The following KCNJ1 variants were observed in gnomAD, a reference collection of about 807,000 sequenced individuals.
KCNJ1 encodes potassium inwardly rectifying channel subfamily J member 1.
Under a neutral mutation model 21.9 loss-of-function variants are expected in KCNJ1, and 24 were observed. The observed-to-expected ratio is 1.10, with a 90% CI of 0.79 to 1.54. The LOEUF is 1.54. Among genes scored for constraint, KCNJ1 ranks in the 40% most tolerant of loss-of-function variants. The pLI, the probability that KCNJ1 is intolerant of heterozygous loss-of-function variation, is 0.00. For synonymous variants in KCNJ1, 152 were observed against 160.9 expected, an observed-to-expected ratio of 0.94 and a Z score of 0.42; for missense variants, 457 against 455.4, an observed-to-expected ratio of 1.00 and a Z score of -0.03.
chr11:128,850,813 C>T lies in KCNJ1; in HGVS notation c.-114G>A. 2 of 985,396 alleles carry T rather than the reference C, an allele frequency of 2.0e-6. No individual in the cohort carries two copies. Among genetic ancestry groups the T allele is most frequent in the Non-Finnish European group, 2.4e-6 (2 of 829,916 alleles). 61.0% of individuals were successfully genotyped at this position (985,396 alleles called of 1,614,324 possible). A position where few individuals can be genotyped will look rare whatever the true frequency, so the allele number is the denominator to read the frequency against. On this transcript the variant is annotated 5_prime_UTR_variant, in exon 2 of 3. An upstream open reading frame in the 5' UTR gains an earlier in-frame stop. Coordinates refer to ENST00000392666, the MANE Select transcript of KCNJ1 (RefSeq NM_153766.3). ...GCAAGAGCTGCTTGGTTTGGGATTC[C>T]ACCTGTGGGGCTCAGAACTTGTCAC... is the stretch of plus-strand genomic sequence containing the variant.
intron 1 of KCNJ1, among the ~76,000 whole-genome samples, chr11:128,857,286 C>G (rs1214718930): frequency 1.3e-5 from 2 of 152,226 alleles, no homozygotes; most frequent in African/African-American, 4.8e-5. Context: ...CCAGTGGGAA[C>G]TCCATCCTGT....
At chr11:128,846,924 A>G (rs1943391435) in intron 2 of KCNJ1, among the ~76,000 whole-genome samples, 1 of 152,156 alleles carries the variant, frequency 6.6e-6, no homozygotes, top group African/African-American at 2.4e-5. Context: ...ATGGATTGGG[A>G]TAAAACAAGG....
At chr11:128,860,692 G>A (rs1943690062) in intron 1 of KCNJ1, among the ~76,000 whole-genome samples, 1 of 152,196 alleles carries the variant, frequency 6.6e-6, no homozygotes. Context: ...AGGGGCAGGC[G>A]GGATGCAAGC....
At chr11:128,849,872 G>A (rs1943450840) in intron 2 of KCNJ1, among the ~76,000 whole-genome samples, 1 of 152,114 alleles carries the variant, frequency 6.6e-6, no homozygotes, top group African/African-American at 2.4e-5. Context: ...GTGGGAAGAG[G>A]AGGCAACACC....
At chr11:128,851,176 A>G (rs1279404740) in intron 1 of KCNJ1, among the ~76,000 whole-genome samples, 2 of 152,312 alleles carry the variant, frequency 1.3e-5, no homozygotes, top group Non-Finnish European at 2.9e-5. Flanking sequence ...TCCTGTTCTC[A>G]TGGTCTGTTT....
intron 1 of KCNJ1, among the ~76,000 whole-genome samples, chr11:128,852,704 G>A (rs1438739268): frequency 6.6e-6 from 1 of 152,242 alleles, no homozygotes; most frequent in Non-Finnish European, 1.5e-5. Flanking sequence ...CTCATTACCG[G>A]GCACAGCCCA....
At chr11:128,840,396 G>GCCCT in intron 2 of KCNJ1, 132 bp from the exon 3 acceptor site, 1 of 870,512 alleles carries the variant, frequency 1.1e-6, no homozygotes. Context: ...TTGGCAAGCT[G>GCCCT]ACAAGTTTAT....
intron 1 of KCNJ1, among the ~76,000 whole-genome samples, chr11:128,864,473 T>C (rs548673079): frequency 2.6e-5 from 4 of 152,292 alleles, no homozygotes; most frequent in East Asian, 1.9e-4. Flanking sequence ...TGTTGTTTTC[T>C]TTTTCCAATT....
chr11:128,856,838 C>T (rs1943600012), intron 1 of KCNJ1, among the ~76,000 whole-genome samples: 1 of 152,102 alleles, frequency 6.6e-6, no homozygotes, highest in African/African-American at 2.4e-5. Flanking sequence ...TGCCAGGCCA[C>T]CATAATTCCT....
At chr11:128,844,116 A>G (rs372048742) in intron 2 of KCNJ1, among the ~76,000 whole-genome samples, 6 of 152,260 alleles carry the variant, frequency 3.9e-5, no homozygotes, top group East Asian at 3.8e-4. Context: ...TATAAAATCA[A>G]TGAGCTTACT....
rs142214914 is a variant in KCNJ1, at chr11:128,863,677, T to C, written c.-192+3496A>G. On this transcript the variant is annotated intron_variant, in intron 1 of 2. Coordinates refer to ENST00000392666, the MANE Select transcript of KCNJ1 (RefSeq NM_153766.3). ...AATTAGTGTTTCAATGCTCTGGTTT[T>C]AAATGGAATGCTTTTGGGTTGGGTT... Among the ~76,000 whole-genome samples the C allele has an allele frequency of 8.8e-3, 1,347 of 152,316 alleles. 29 individuals carry two copies. Among genetic ancestry groups the C allele is most frequent in the African/African-American group, 0.031 (1,291 of 41,558 alleles).
At chr11:128,865,231 T>A (rs977528682) in intron 1 of KCNJ1, among the ~76,000 whole-genome samples, 3 of 152,118 alleles carry the variant, frequency 2.0e-5, no homozygotes, top group Non-Finnish European at 2.9e-5. Context: ...AAAAGTATGA[T>A]GTACTTTTCT....
At position 128,839,000 on chromosome 11, in the gene KCNJ1, T is replaced by A; in HGVS notation, c.*125A>T. 1 of 822,194 alleles carries A rather than the reference T, an allele frequency of 1.2e-6. No homozygotes were observed. The highest frequency in any genetic ancestry group is 2.6e-5 in the East Asian group (1 of 37,934). 50.9% of individuals were successfully genotyped at this position (822,194 alleles called of 1,614,324 possible). A position where few individuals can be genotyped will look rare whatever the true frequency, so the allele number is the denominator to read the frequency against. Reference sequence around the variant, plus strand: ...TCACAATTGCGGGGCTCAGGGGTCTTTGTGCTGGTAGACTTTGAAGGCTCT... The same window carrying A: ...TCACAATTGCGGGGCTCAGGGGTCTATGTGCTGGTAGACTTTGAAGGCTCT... On this transcript the variant is annotated 3_prime_UTR_variant, in exon 3 of 3. Transcript: ENST00000392666.
At chr11:128,864,988 A>G (rs1310374184) in intron 1 of KCNJ1, among the ~76,000 whole-genome samples, 1 of 151,984 alleles carries the variant, frequency 6.6e-6, no homozygotes, top group Non-Finnish European at 1.5e-5. Flanking sequence ...TCAGCATCAC[A>G]TACTAGGTCC....
chr11:128,856,699 A>G (rs675482), intron 1 of KCNJ1, among the ~76,000 whole-genome samples: 49,349 of 151,964 alleles, frequency 0.32, 8,292 homozygotes, highest in East Asian at 0.42. Context: ...CGAGTCAAGC[A>G]AAACCTTGAT....
At position 128,859,131 on chromosome 11, in the gene KCNJ1, G is replaced by C. The variant is rs77462345; in HGVS notation, c.-192+8042C>G. 9.2e-3 allele frequency among the ~76,000 whole-genome samples: 1,395 copies of C among 152,334 alleles called. 11 individuals carry two copies. The highest frequency in any genetic ancestry group is 0.032 in the African/African-American group (1,342 of 41,562). ...ATACCAGCAACTGTGGTAGGGGCTT[G>C]GCAGAAATTATTTCATTCAATCTCA... On this transcript the variant is annotated intron_variant, in intron 1 of 2. Coordinates refer to ENST00000392666, the MANE Select transcript of KCNJ1 (RefSeq NM_153766.3).
intron 1 of KCNJ1, chr11:128,866,469 G>A: frequency 6.2e-6 from 4 of 650,280 alleles, no homozygotes; most frequent in Non-Finnish European, 7.6e-6. Context: ...CTCCTTTTAA[G>A]CGTCTATGCA....
intron 2 of KCNJ1, among the ~76,000 whole-genome samples, chr11:128,847,016 A>G (rs1943394310): frequency 6.6e-6 from 1 of 152,170 alleles, no homozygotes; most frequent in Non-Finnish European, 1.5e-5. Flanking sequence ...CCCCATCCTG[A>G]TGAGTGTCTG....
chr11:128,841,498 G>T (rs370471935), intron 2 of KCNJ1, among the ~76,000 whole-genome samples: 2 of 152,100 alleles, frequency 1.3e-5, no homozygotes, highest in African/African-American at 4.8e-5. Context: ...AGTCATAAAC[G>T]CTAGATTACC....
Sources: allele counts gnomAD v4.1 joint callset (sites outside exome capture counted in the v4.1 genomes callset), GRCh38; gene constraint gnomAD v4.1.1; transcripts MANE v1.5; gene names NCBI Gene and HGNC (gene_info 2026-07-23, HGNC 2026-07-21).